RCAN2: variants seen among roughly 807,000 people sequenced by gnomAD.
The protein encoded by RCAN2 is regulator of calcineurin 2.
Under a neutral mutation model 23.6 loss-of-function variants are expected in RCAN2, and 9 were observed. The ratio of observed to expected loss-of-function variants is 0.38; its 90% CI spans 0.23 to 0.67. The LOEUF is 0.67. Among genes scored for constraint, RCAN2 ranks in the 30% least tolerant of loss-of-function variants. The probability of loss-of-function intolerance (pLI) is 0.51; values close to 1 mark genes in which losing one functional copy is unlikely to be tolerated. For missense variants in RCAN2, 273 were observed against 302.3 expected, an observed-to-expected ratio of 0.90 and a Z score of 0.72; for synonymous variants, 109 against 115.7, an observed-to-expected ratio of 0.94 and a Z score of 0.37.
intron 2 of RCAN2, among the ~76,000 whole-genome samples, chr6:46,400,730 G>C (rs971735517): frequency 6.6e-6 from 1 of 152,188 alleles, no homozygotes; most frequent in African/African-American, 2.4e-5. Flanking sequence ...TGGTGGGAGA[G>C]ACCGGGCCCA....
At chr6:46,432,346 T>C (rs1459330274) in intron 2 of RCAN2, among the ~76,000 whole-genome samples, 1 of 152,098 alleles carries the variant, frequency 6.6e-6, no homozygotes. Flanking sequence ...CCCGGGTAGC[T>C]GGGATTACAG....
At chr6:46,287,356 G>T (rs1185425064) in intron 2 of RCAN2, among the ~76,000 whole-genome samples, 2 of 152,224 alleles carry the variant, frequency 1.3e-5, no homozygotes, top group East Asian at 3.8e-4. Context: ...ACGTAGCCCA[G>T]TTCTGGACAC....
intron 2 of RCAN2, among the ~76,000 whole-genome samples, chr6:46,432,138 C>T (rs1258868658): frequency 2.0e-5 from 3 of 152,174 alleles, no homozygotes; most frequent in African/African-American, 7.2e-5. Context: ...TTAGTATCAG[C>T]TTATAAAGGT....
At chr6:46,425,539 C>G (rs889718497) in intron 2 of RCAN2, among the ~76,000 whole-genome samples, 10 of 152,120 alleles carry the variant, frequency 6.6e-5, no homozygotes, top group African/African-American at 2.4e-4. Context: ...TATATTTAGA[C>G]TGATGTAAGA....
At chr6:46,373,381 C>T (rs1765373338) in intron 2 of RCAN2, among the ~76,000 whole-genome samples, 1 of 152,100 alleles carries the variant, frequency 6.6e-6, no homozygotes, top group African/African-American at 2.4e-5. Flanking sequence ...TCTCATGGCT[C>T]AGCCTCCTGA....
rs181843881 is a variant in RCAN2, at chr6:46,235,725, T to C, written c.571+11023A>G. Among the ~76,000 whole-genome samples the C allele has an allele frequency of 8.0e-3, 1,214 of 152,218 alleles. 11 individuals carry two copies. The highest frequency in any genetic ancestry group is 0.028 in the African/African-American group (1,167 of 41,536). On this transcript the variant is annotated intron_variant, in intron 4 of 4. Transcript: ENST00000371374. ...ATTTGTAATCAGTCACCAAGCACTA[T>C]TGAACATTGCTTGTCAAACCTTCTC...
At chr6:46,271,256 T>C (rs192691340) in intron 2 of RCAN2, among the ~76,000 whole-genome samples, 1 of 152,258 alleles carries the variant, frequency 6.6e-6, no homozygotes, top group East Asian at 1.9e-4. Context: ...ATCTGCAAGG[T>C]AGGCCAACAG....
intron 2 of RCAN2, among the ~76,000 whole-genome samples, chr6:46,415,815 C>T (rs1047082578): frequency 1.1e-4 from 17 of 152,310 alleles, no homozygotes; most frequent in Admixed American, 7.2e-4. Flanking sequence ...TTCATATACA[C>T]TCGTTCCTCA....
chr6:46,460,410 C>T (rs914144318), intron 1 of RCAN2, among the ~76,000 whole-genome samples: 1 of 152,112 alleles, frequency 6.6e-6, no homozygotes, highest in Non-Finnish European at 1.5e-5. Context: ...TTGTAAGAAA[C>T]CTTTGAGGCA....
intron 2 of RCAN2, among the ~76,000 whole-genome samples, chr6:46,308,058 C>T (rs1763125338): frequency 6.6e-6 from 1 of 152,154 alleles, no homozygotes; most frequent in Non-Finnish European, 1.5e-5. Flanking sequence ...TGTGAGAAGG[C>T]CTTGTGCTGT....
At chr6:46,418,608 C>T (rs1372980054) in intron 2 of RCAN2, among the ~76,000 whole-genome samples, 1 of 151,394 alleles carries the variant, frequency 6.6e-6, no homozygotes. Flanking sequence ...GGAGCCAGCT[C>T]CCATCCACTC....
chr6:46,458,542 T>C (rs1043051224), intron 1 of RCAN2, among the ~76,000 whole-genome samples: 1 of 152,118 alleles, frequency 6.6e-6, no homozygotes, highest in African/African-American at 2.4e-5. Context: ...CCAAAGTTCT[T>C]CAAACTCCAA....
At chr6:46,436,646 A>G (rs1239102980) in intron 2 of RCAN2, among the ~76,000 whole-genome samples, 1 of 152,232 alleles carries the variant, frequency 6.6e-6, no homozygotes, top group Admixed American at 6.5e-5. Flanking sequence ...ATATCCTTAC[A>G]GGAAACCTAT....
At chr6:46,331,505 G>A (rs1275758417) in intron 2 of RCAN2, among the ~76,000 whole-genome samples, 1 of 152,202 alleles carries the variant, frequency 6.6e-6, no homozygotes, top group Non-Finnish European at 1.5e-5. Context: ...GCTAGTGGGA[G>A]TTTAATCAGG....
At chr6:46,434,024 C>G (rs1043645279) in intron 2 of RCAN2, among the ~76,000 whole-genome samples, 21 of 152,148 alleles carry the variant, frequency 1.4e-4, no homozygotes, top group African/African-American at 4.3e-4. Context: ...AAACCTGGCA[C>G]AAGACTTTCA....
At chr6:46,325,913 C>T in intron 2 of RCAN2, 1 of 984,012 alleles carries the variant, frequency 1.0e-6, no homozygotes. Flanking sequence ...GTGAATCTGA[C>T]ACCAGAGTTT....
intron 2 of RCAN2, among the ~76,000 whole-genome samples, chr6:46,416,052 T>C (rs1396771292): frequency 6.6e-6 from 1 of 152,210 alleles, no homozygotes; most frequent in African/African-American, 2.4e-5. Flanking sequence ...AATGTCTGCA[T>C]ATGTTCAGTA....
intron 1 of RCAN2, among the ~76,000 whole-genome samples, chr6:46,469,651 G>C (rs2150440509): frequency 6.6e-6 from 1 of 152,282 alleles, no homozygotes; most frequent in African/African-American, 2.4e-5. Context: ...GAAGTGGGAA[G>C]AGGATGTATA....
intron 2 of RCAN2, among the ~76,000 whole-genome samples, chr6:46,344,972 G>A (rs960083112): frequency 8.6e-5 from 13 of 151,884 alleles, no homozygotes; most frequent in African/African-American, 3.1e-4. Context: ...TTATGTATAT[G>A]CAAAACTATA....
Sources: allele counts gnomAD v4.1 joint callset (sites outside exome capture counted in the v4.1 genomes callset), GRCh38; gene constraint gnomAD v4.1.1; transcripts MANE v1.5; gene names NCBI Gene and HGNC (gene_info 2026-07-23, HGNC 2026-07-21).